The following CNTNAP3 variants were observed in gnomAD, a reference collection of about 807,000 sequenced individuals.
CNTNAP3 encodes the protein contactin associated protein family member 3.
CNTNAP3 carries 36 observed loss-of-function variants against 92.1 expected under a neutral mutation model. The observed-to-expected ratio is 0.39, with a 90% CI of 0.30 to 0.52. CNTNAP3 has a LOEUF of 0.52. Among genes scored for constraint, CNTNAP3 ranks in the 20% least tolerant of loss-of-function variants. The probability of loss-of-function intolerance (pLI) is 0.76; values close to 1 mark genes in which losing one functional copy is unlikely to be tolerated. For synonymous variants in CNTNAP3, 232 were observed against 422.3 expected (o/e 0.55, Z 5.53); for missense variants, 534 against 1,069.6 (o/e 0.50, Z 6.98).
At chr9:39,095,926 G>GA (rs906980697) in intron 18 of CNTNAP3, among the ~76,000 whole-genome samples, 8 of 148,882 alleles carry the variant, frequency 5.4e-5, no homozygotes, top group Non-Finnish European at 6.0e-5. Context: ...AAAAATCTGA[G>GA]AAAAAAAAAG....
At chr9:39,093,856 A>C (rs561821060) in intron 18 of CNTNAP3, among the ~76,000 whole-genome samples, 57 of 151,258 alleles carry the variant, frequency 3.8e-4, no homozygotes, top group African/African-American at 1.4e-3. Flanking sequence ...TCTTGTTTTC[A>C]ATTGTTTTGG....
chr9:39,141,496 A>C (rs1821574733), intron 11 of CNTNAP3, among the ~76,000 whole-genome samples: 1 of 152,206 alleles, frequency 6.6e-6, no homozygotes, highest in African/African-American at 2.4e-5. Context: ...GCTGAAATTC[A>C]AAACAGGAGA....
chr9:39,142,769 C>T (rs1427219524), intron 11 of CNTNAP3, among the ~76,000 whole-genome samples: 1 of 152,118 alleles, frequency 6.6e-6, no homozygotes, highest in Non-Finnish European at 1.5e-5. Context: ...AGAGTCACTC[C>T]TGGACTGTCT....
At chr9:39,077,503 G>A (rs1186397256) in intron 23 of CNTNAP3, among the ~76,000 whole-genome samples, 1 of 152,154 alleles carries the variant, frequency 6.6e-6, no homozygotes, top group African/African-American at 2.4e-5. Context: ...CTTGCAGTAA[G>A]TCGAGATTGC....
chr9:39,106,793 GA>G (rs1259555263), intron 15 of CNTNAP3, among the ~76,000 whole-genome samples: 1 of 152,004 alleles, frequency 6.6e-6, no homozygotes, highest in Non-Finnish European at 1.5e-5. Flanking sequence ...ATAGGCAGGG[GA>G]AAAAGCTACA....
intron 12 of CNTNAP3, among the ~76,000 whole-genome samples, chr9:39,135,329 G>A (rs1183863594): frequency 1.3e-5 from 2 of 151,890 alleles, no homozygotes; most frequent in African/African-American, 2.4e-5. Flanking sequence ...TTGGAGTGCA[G>A]TGGCACCTTC....
At chr9:39,144,455 A>G in intron 10 of CNTNAP3, 109 bp from the exon 11 acceptor site, 2 of 1,474,358 alleles carry the variant, frequency 1.4e-6, no homozygotes, top group Non-Finnish European at 1.8e-6. Context: ...AGAGCAGCAT[A>G]TGCAAGATAA....
chr9:39,128,307 C>T (rs908593224), intron 13 of CNTNAP3, among the ~76,000 whole-genome samples: 1 of 151,904 alleles, frequency 6.6e-6, no homozygotes, highest in Non-Finnish European at 1.5e-5. Flanking sequence ...AACTACATAT[C>T]AATATCTCTT....
rs1397954197 is a variant in CNTNAP3 at position 39,064,777 on chromosome 9, T to C, written c.*9113A>G. 6.6e-6 allele frequency among the ~76,000 whole-genome samples: 1 copy of C among 152,312 alleles called. No individual in the cohort carries two copies. Among genetic ancestry groups the C allele is most frequent in the African/African-American group, 2.4e-5 (1 of 41,488 alleles). ...TTTATAGAGCAATGAAAATACCACA[T>C]TTTGACATTTGTATTGTACTGTGAA... is the stretch of plus-strand genomic sequence containing the variant. On this transcript the variant is annotated 3_prime_UTR_variant, in exon 24 of 24. Coordinates refer to ENST00000297668, the MANE Select transcript of CNTNAP3 (RefSeq NM_033655.5).
At chr9:39,081,415 G>C (rs556207624) in intron 21 of CNTNAP3, among the ~76,000 whole-genome samples, 14 of 151,224 alleles carry the variant, frequency 9.3e-5, no homozygotes, top group Middle Eastern at 6.8e-3. Context: ...TCAACTTCGG[G>C]GTCCTGCACC....
chr9:39,133,434 T>C (rs1821353053), intron 12 of CNTNAP3, among the ~76,000 whole-genome samples: 2 of 151,968 alleles, frequency 1.3e-5, no homozygotes, highest in Admixed American at 6.5e-5. Flanking sequence ...AACACAAGCA[T>C]GGGGCCAAAC....
intron 18 of CNTNAP3, among the ~76,000 whole-genome samples, chr9:39,099,522 C>G (rs557157560): frequency 6.7e-4 from 102 of 152,206 alleles, no homozygotes; most frequent in African/African-American, 2.3e-3. Flanking sequence ...TCAAGTCCAG[C>G]CTGGGCAACA....
intron 17 of CNTNAP3, among the ~76,000 whole-genome samples, chr9:39,101,821 T>A (rs1315407027): frequency 6.6e-6 from 1 of 152,198 alleles, no homozygotes; most frequent in African/African-American, 2.4e-5. Context: ...CTAATAGTGT[T>A]GATAAAATAT....
chr9:39,066,954 C>G lies in CNTNAP3; in HGVS notation c.*6936G>C, dbSNP rs890837450. ...AAAAATATTTTTTTCTATCCATCCA[C>G]TCTCTTTTCTCCTTTGAGAACTCCA... On this transcript the variant is annotated 3_prime_UTR_variant, in exon 24 of 24. Transcript: ENST00000297668. Among the ~76,000 whole-genome samples, 7 of 152,264 alleles carry G rather than the reference C, an allele frequency of 4.6e-5. No individual in the cohort carries two copies. The highest frequency in any genetic ancestry group is 1.0e-4 in the Non-Finnish European group (7 of 68,046).
intron 15 of CNTNAP3, among the ~76,000 whole-genome samples, chr9:39,105,739 T>C (rs959089357): frequency 1.3e-5 from 2 of 152,076 alleles, no homozygotes; most frequent in Non-Finnish European, 2.9e-5. Flanking sequence ...GTTTCTTTTT[T>C]AGCAGAGAAT....
At chr9:39,121,443 C>T (rs1821016182) in intron 13 of CNTNAP3, among the ~76,000 whole-genome samples, 1 of 152,102 alleles carries the variant, frequency 6.6e-6, no homozygotes. Flanking sequence ...TGGAAGTCAT[C>T]GCTCCCATTC....
chr9:39,081,889 TAAC>T (rs1215531465), intron 21 of CNTNAP3, among the ~76,000 whole-genome samples: 3 of 141,268 alleles, frequency 2.1e-5, no homozygotes, highest in Non-Finnish European at 4.6e-5. Flanking sequence ...CCATCCTGGC[TAAC>T]ACGGTGAAAC....
intron 18 of CNTNAP3, among the ~76,000 whole-genome samples, chr9:39,097,520 G>T (rs1483534392): frequency 6.6e-6 from 1 of 152,006 alleles, no homozygotes; most frequent in African/African-American, 2.4e-5. Flanking sequence ...CACACCTGAA[G>T]ACCTTATGTC....
intron 21 of CNTNAP3, among the ~76,000 whole-genome samples, chr9:39,082,487 T>A (rs902946751): frequency 6.6e-6 from 1 of 152,140 alleles, no homozygotes; most frequent in Non-Finnish European, 1.5e-5. Flanking sequence ...AAATCTCCTA[T>A]CTTCTTGACT....
Sources: gnomAD v4.1 joint callset for allele counts (sites outside exome capture counted in the v4.1 genomes callset) on GRCh38, gnomAD v4.1.1 for gene constraint, MANE v1.5 for transcripts, NCBI Gene and HGNC (gene_info 2026-07-23, HGNC 2026-07-21) for gene names.